The following DDX10 variants were observed in gnomAD, a reference collection of about 807,000 sequenced individuals.
DDX10 encodes DEAD-box helicase 10, also known as probable ATP-dependent RNA helicase DDX10.
Under a neutral mutation model 104.3 loss-of-function variants are expected in DDX10, and 74 were observed. The observed-to-expected ratio is 0.71, with a 90% CI of 0.59 to 0.86. DDX10 has a LOEUF of 0.86. DDX10 is among the 40% of genes least tolerant of loss of function. DDX10 has a pLI of 0.00. For missense variants in DDX10, 952 were observed against 1,040.0 expected (o/e 0.92, Z 1.16); for synonymous variants, 351 against 353.4 (o/e 0.99, Z 0.08).
chr11:108,741,689 G>A (rs2094325388), intron 13 of DDX10, among the ~76,000 whole-genome samples: 1 of 152,144 alleles, frequency 6.6e-6, no homozygotes, highest in Non-Finnish European at 1.5e-5. Flanking sequence ...TCAGATCAAG[G>A]AGCTTTTGGA....
intron 9 of DDX10, among the ~76,000 whole-genome samples, chr11:108,699,662 G>A (rs1260034723): frequency 6.6e-6 from 1 of 152,154 alleles, no homozygotes; most frequent in Admixed American, 6.6e-5. Flanking sequence ...ACATCCTGGG[G>A]TTGCATGTCA....
intron 13 of DDX10, among the ~76,000 whole-genome samples, chr11:108,724,782 A>G (rs539249487): frequency 3.9e-4 from 59 of 152,206 alleles, no homozygotes; most frequent in African/African-American, 1.4e-3. Context: ...CATGTGTCTA[A>G]GTACTAATAG....
chr11:108,847,593 CTT>C (rs1862736487), intron 15 of DDX10, among the ~76,000 whole-genome samples: 1 of 152,122 alleles, frequency 6.6e-6, no homozygotes, highest in Non-Finnish European at 1.5e-5. Flanking sequence ...TAAAGGAAGA[CTT>C]TAGAAAATCT....
chr11:108,939,947 A>G (rs1361477255), intron 17 of DDX10, among the ~76,000 whole-genome samples: 1 of 152,156 alleles, frequency 6.6e-6, no homozygotes, highest in Non-Finnish European at 1.5e-5. Flanking sequence ...GGAGCGAGAC[A>G]TACCTGTGGT....
At chr11:108,702,730 T>C (rs2094270190) in intron 9 of DDX10, among the ~76,000 whole-genome samples, 1 of 152,220 alleles carries the variant, frequency 6.6e-6, no homozygotes, top group African/African-American at 2.4e-5. Flanking sequence ...CTTTCTGATA[T>C]CAGCTAGACA....
intron 13 of DDX10, among the ~76,000 whole-genome samples, chr11:108,763,595 A>G (rs544378014): frequency 2.0e-5 from 3 of 152,256 alleles, no homozygotes; most frequent in Non-Finnish European, 2.9e-5. Context: ...AAAATGGGCT[A>G]AAAAGCTTTT....
intron 13 of DDX10, among the ~76,000 whole-genome samples, chr11:108,780,445 C>T (rs1027940259): frequency 5.3e-5 from 8 of 151,964 alleles, no homozygotes; most frequent in African/African-American, 1.7e-4. Context: ...TCTGTGCTTC[C>T]CTATAGGTCT....
At chr11:108,815,590 T>C (rs1282962795) in intron 13 of DDX10, among the ~76,000 whole-genome samples, 1 of 152,226 alleles carries the variant, frequency 6.6e-6, no homozygotes, top group African/African-American at 2.4e-5. Flanking sequence ...AATTAAGAGC[T>C]TAAATTTAAT....
At chr11:108,718,516 G>T (rs575616438) in intron 11 of DDX10, among the ~76,000 whole-genome samples, 153 of 152,146 alleles carry the variant, frequency 1.0e-3, no homozygotes, top group Non-Finnish European at 1.8e-3. Context: ...GATTAATTTT[G>T]GTATGTCATG....
At chr11:108,831,898 A>C (rs1591829876) in intron 13 of DDX10, among the ~76,000 whole-genome samples, 2 of 152,264 alleles carry the variant, frequency 1.3e-5, no homozygotes, top group South Asian at 4.1e-4. Flanking sequence ...TTCTACACCT[A>C]TCATAGGACA....
chr11:108,722,116 C>T (rs976040382), intron 12 of DDX10, among the ~76,000 whole-genome samples: 2 of 152,172 alleles, frequency 1.3e-5, no homozygotes, highest in African/African-American at 2.4e-5. Context: ...AAATCATATT[C>T]GTAAGATCTC....
intron 13 of DDX10, among the ~76,000 whole-genome samples, chr11:108,800,442 CAA>C (rs61200843): frequency 0.16 from 15,495 of 94,214 alleles, 1,092 homozygotes; most frequent in East Asian, 0.35. Flanking sequence ...GAGACTCTTT[CAA>C]AAAAAAAAAA....
At chr11:108,902,471 T>C in intron 16 of DDX10, among the ~76,000 whole-genome samples, 1 of 152,168 alleles carries the variant, frequency 6.6e-6, no homozygotes, top group South Asian at 2.1e-4. Flanking sequence ...CTCTATAAAC[T>C]ATGTCATTGA....
chr11:108,864,855 G>C (rs117407872), intron 16 of DDX10, among the ~76,000 whole-genome samples: 2,112 of 152,242 alleles, frequency 0.014, 24 homozygotes, highest in Middle Eastern at 0.041. Context: ...AGATATGAGG[G>C]TAAATGTAAG....
At chr11:108,863,619 C>T (rs1052858148) in intron 16 of DDX10, among the ~76,000 whole-genome samples, 1 of 152,130 alleles carries the variant, frequency 6.6e-6, no homozygotes, top group African/African-American at 2.4e-5. Context: ...CATTTAATTG[C>T]TTTTAACATG....
intron 13 of DDX10, among the ~76,000 whole-genome samples, chr11:108,797,911 C>A (rs1490809815): frequency 2.0e-5 from 3 of 152,150 alleles, no homozygotes; most frequent in African/African-American, 7.2e-5. Context: ...TCAGCCATTC[C>A]TCAGTAATGA....
intron 17 of DDX10, among the ~76,000 whole-genome samples, chr11:108,930,709 T>C (rs1332693130): frequency 6.6e-6 from 1 of 152,198 alleles, no homozygotes; most frequent in Non-Finnish European, 1.5e-5. Flanking sequence ...TTCTGTAGTT[T>C]AAAGAAAGCT....
In DDX10 at chr11:108,692,344, T is replaced by G. The variant is rs562839758; in HGVS notation, c.1138+306T>G. ...AAACAATTCCCATTTCTTTGAAAAT[T>G]GGAAACTTGTTTATAGATACTGAAC... is the stretch of plus-strand genomic sequence containing the variant. On this transcript the variant is annotated intron_variant, in intron 8 of 17. Transcript: ENST00000322536. Among the ~76,000 whole-genome samples the G allele has an allele frequency of 5.9e-5, 9 of 152,276 alleles. No homozygotes were observed. The East Asian group carries it at 1.7e-3, about 29-fold the overall frequency.
At chr11:108,913,469 C>T (rs138416956) in intron 16 of DDX10, among the ~76,000 whole-genome samples, 5 of 152,114 alleles carry the variant, frequency 3.3e-5, no homozygotes, top group Admixed American at 6.5e-5. Flanking sequence ...AAGCATTTGT[C>T]TCACATGAGC....
Sources: allele counts gnomAD v4.1 joint callset (sites outside exome capture counted in the v4.1 genomes callset), GRCh38; gene constraint gnomAD v4.1.1; transcripts MANE v1.5; gene names NCBI Gene and HGNC (gene_info 2026-07-23, HGNC 2026-07-21).